Variants in AUTS2 observed in about 807,000 individuals in gnomAD.
AUTS2 encodes the protein autism susceptibility gene 2 protein.
In AUTS2, 17 loss-of-function variants were observed where a neutral mutation model predicts 112.4. The ratio of observed to expected loss-of-function variants is 0.15; its 90% confidence interval spans 0.10 to 0.23. The LOEUF is 0.23. Among genes scored for constraint, AUTS2 ranks in the 10% least tolerant of loss-of-function variants. AUTS2 has a pLI of 1.00. For synonymous variants in AUTS2, 751 were observed against 702.7 expected, an observed-to-expected ratio of 1.07 and a Z score of -1.09; for missense variants, 1,510 against 1,701.6, an observed-to-expected ratio of 0.89 and a Z score of 1.98.
chr7:69,675,943 T>C (rs1796544550), intron 1 of AUTS2, among the ~76,000 whole-genome samples: 1 of 152,172 alleles, frequency 6.6e-6, no homozygotes, highest in Admixed American at 6.5e-5. Flanking sequence ...AAATAATTTT[T>C]ACATTATATA....
chr7:70,608,551 T>C (rs950682148), intron 5 of AUTS2, among the ~76,000 whole-genome samples: 1 of 152,196 alleles, frequency 6.6e-6, no homozygotes, highest in Non-Finnish European at 1.5e-5. Context: ...TATTTTCTTA[T>C]TGGGATAACT....
intron 5 of AUTS2, among the ~76,000 whole-genome samples, chr7:70,689,824 A>G (rs891654169): frequency 6.6e-5 from 10 of 151,628 alleles, no homozygotes; most frequent in Middle Eastern, 3.5e-3. Flanking sequence ...TAGAGATGGT[A>G]CAAACCACTG....
chr7:69,838,857 T>A (rs1791842630), intron 1 of AUTS2, among the ~76,000 whole-genome samples: 2 of 152,182 alleles, frequency 1.3e-5, no homozygotes, highest in Non-Finnish European at 2.9e-5. Flanking sequence ...TTTATTTTAA[T>A]TTTTAGTCCC....
At chr7:70,003,210 A>G (rs868498544) in intron 2 of AUTS2, among the ~76,000 whole-genome samples, 18 of 134,330 alleles carry the variant, frequency 1.3e-4, no homozygotes, top group African/African-American at 4.5e-4. Context: ...TTATATATGA[A>G]TATATTATAT....
chr7:69,665,686 T>C (rs1246608829), intron 1 of AUTS2, among the ~76,000 whole-genome samples: 1 of 152,230 alleles, frequency 6.6e-6, no homozygotes, highest in Non-Finnish European at 1.5e-5. Flanking sequence ...TTTAACTTGT[T>C]AAGCACCAGA....
intron 14 of AUTS2, among the ~76,000 whole-genome samples, chr7:70,777,920 G>C (rs1272083853): frequency 6.6e-6 from 1 of 152,204 alleles, no homozygotes; most frequent in East Asian, 1.9e-4. Flanking sequence ...TTTTATGGCT[G>C]TGGGAAAATG....
At chr7:70,135,891 T>C (rs1806532319) in intron 4 of AUTS2, among the ~76,000 whole-genome samples, 1 of 152,204 alleles carries the variant, frequency 6.6e-6, no homozygotes, top group East Asian at 1.9e-4. Flanking sequence ...AAGTAAAATC[T>C]GGAGACTGCG....
intron 4 of AUTS2, among the ~76,000 whole-genome samples, chr7:70,298,604 TA>T (rs1789055715): frequency 6.6e-6 from 1 of 152,200 alleles, no homozygotes; most frequent in African/African-American, 2.4e-5. Flanking sequence ...TTAGCTTCTG[TA>T]AGATGTTACC....
chr7:69,656,750 G>A (rs1016553375), intron 1 of AUTS2, among the ~76,000 whole-genome samples: 1 of 152,138 alleles, frequency 6.6e-6, no homozygotes, highest in Non-Finnish European at 1.5e-5. Context: ...TGAATTTGAT[G>A]TTGGATCACA....
At chr7:70,448,530 C>A (rs1237182746) in intron 5 of AUTS2, among the ~76,000 whole-genome samples, 1 of 152,170 alleles carries the variant, frequency 6.6e-6, no homozygotes, top group African/African-American at 2.4e-5. Context: ...ACCTTAGTTT[C>A]TCCTCTAGCC....
At chr7:70,134,906 G>A (rs1395076091) in intron 4 of AUTS2, among the ~76,000 whole-genome samples, 9 of 152,124 alleles carry the variant, frequency 5.9e-5, no homozygotes, top group Non-Finnish European at 1.2e-4. Context: ...GTGTCATGTG[G>A]GGGATGGAAT....
chr7:70,339,234 T>C lies in AUTS2; in HGVS notation c.661-96518T>C, dbSNP rs369014280. 1.6e-4 allele frequency among the ~76,000 whole-genome samples: 25 copies of C among 152,252 alleles called. No individual in the cohort carries two copies. In the South Asian group the frequency reaches 5.2e-3, roughly 32 times the overall value. ...AACAGTGTTGTGAATATTGATTAGA[T>C]TCAAAGGAACAATGTCTTAGTCATC... On this transcript the variant is annotated intron_variant, in intron 4 of 18. Transcript: ENST00000342771.
At chr7:69,651,523 G>A (rs918914895) in intron 1 of AUTS2, among the ~76,000 whole-genome samples, 1 of 151,876 alleles carries the variant, frequency 6.6e-6, no homozygotes, top group Non-Finnish European at 1.5e-5. Flanking sequence ...GTGAGAAATA[G>A]ACCCGCCTAC....
chr7:69,931,145 A>G (rs920838989), intron 2 of AUTS2, among the ~76,000 whole-genome samples: 2 of 130,566 alleles, frequency 1.5e-5, no homozygotes, highest in Non-Finnish European at 3.3e-5. Flanking sequence ...ACACACACAC[A>G]CACTACTTTT....
chr7:70,219,235 T>G (rs944561749), intron 4 of AUTS2, among the ~76,000 whole-genome samples: 1 of 152,190 alleles, frequency 6.6e-6, no homozygotes, highest in African/African-American at 2.4e-5. Context: ...ACATTTTTAT[T>G]TAAGACACAA....
intron 1 of AUTS2, among the ~76,000 whole-genome samples, chr7:69,694,265 G>A (rs1584085661): frequency 6.6e-6 from 1 of 152,142 alleles, no homozygotes; most frequent in African/African-American, 2.4e-5. Flanking sequence ...CTGACTCAGT[G>A]GGGGTAAGGA....
At chr7:70,250,704 C>T (rs1009788304) in intron 4 of AUTS2, among the ~76,000 whole-genome samples, 1 of 152,058 alleles carries the variant, frequency 6.6e-6, no homozygotes, top group African/African-American at 2.4e-5. Context: ...TGAGATCATA[C>T]CCTTTGCAGC....
At chr7:70,506,675 A>C (rs111989579) in intron 5 of AUTS2, among the ~76,000 whole-genome samples, 1 of 152,312 alleles carries the variant, frequency 6.6e-6, no homozygotes, top group Non-Finnish European at 1.5e-5. Context: ...ATCTCTGGAG[A>C]GGGCAGCCAG....
At chr7:69,784,515 C>T (rs188533274) in intron 1 of AUTS2, among the ~76,000 whole-genome samples, 1 of 152,304 alleles carries the variant, frequency 6.6e-6, no homozygotes, top group East Asian at 1.9e-4. Context: ...GGGCTTCTAA[C>T]CCTGGACAGG....
Sources: allele counts gnomAD v4.1 joint callset (sites outside exome capture counted in the v4.1 genomes callset), GRCh38; gene constraint gnomAD v4.1.1; transcripts MANE v1.5; gene names NCBI Gene and HGNC (gene_info 2026-07-23, HGNC 2026-07-21).